BRINP2: variants seen among roughly 807,000 people sequenced by gnomAD.
BRINP2 encodes the protein BMP/retinoic acid inducible neural specific 2, also known as BMP/retinoic acid-inducible neural-specific protein 2.
In BRINP2, 21 loss-of-function variants were observed where a neutral mutation model predicts 69.2. The observed-to-expected ratio is 0.30, with a 90% CI of 0.22 to 0.44. BRINP2 has a LOEUF of 0.44. BRINP2 is among the 20% of genes least tolerant of loss of function. BRINP2 has a pLI of 1.00. For synonymous variants in BRINP2, 380 were observed against 394.1 expected (o/e 0.96, Z 0.42); for missense variants, 877 against 986.0 (o/e 0.89, Z 1.48).
intron 1 of BRINP2, among the ~76,000 whole-genome samples, chr1:177,219,269 C>A (rs943122576): frequency 6.6e-6 from 1 of 152,146 alleles, no homozygotes; most frequent in African/African-American, 2.4e-5. Context: ...ATTGATTGCA[C>A]CCCGTTGTCT....
intron 2 of BRINP2, among the ~76,000 whole-genome samples, chr1:177,246,725 A>C (rs1650397100): frequency 6.6e-6 from 1 of 152,232 alleles, no homozygotes; most frequent in South Asian, 2.1e-4. Context: ...TGCTGCTTTA[A>C]GACTTCCCCC....
At chr1:177,221,599 T>G (rs1649534727) in intron 1 of BRINP2, among the ~76,000 whole-genome samples, 1 of 152,152 alleles carries the variant, frequency 6.6e-6, no homozygotes, top group Admixed American at 6.5e-5. Context: ...ATATTCAAAA[T>G]TATAAAAATA....
intron 1 of BRINP2, among the ~76,000 whole-genome samples, chr1:177,186,543 G>A (rs911053366): frequency 2.0e-5 from 3 of 151,994 alleles, no homozygotes; most frequent in Non-Finnish European, 4.4e-5. Flanking sequence ...GGGTGAGATC[G>A]CTCCTTGTCT....
chr1:177,220,590 A>C (rs1253252580), intron 1 of BRINP2, among the ~76,000 whole-genome samples: 2 of 152,198 alleles, frequency 1.3e-5, no homozygotes, highest in African/African-American at 4.8e-5. Flanking sequence ...TGGAACCATG[A>C]GCCAATCAAA....
In BRINP2 at chr1:177,280,695, A is replaced by G. The variant is rs1651668013; in HGVS notation, c.1519A>G (p.Thr507Ala). ...CCTGGAAAACTTTCTTGGGCTGGAG[A>G]CAGACTTGCAGGACCTGGAGCTAAA... ...ESLENFLGLE[T>A]DLQDLELKYL... The change falls in exon 8 of 8, where the codon ACA (threonine) becomes GCA (alanine). Residue 507 changes from threonine to alanine, a missense_variant. Thr to Ala is a moderately conservative substitution (Grantham distance 58). Coordinates refer to ENST00000361539, the MANE Select transcript of BRINP2 (RefSeq NM_021165.4). 1.2e-6 allele frequency: 2 copies of G among 1,614,120 alleles called. No homozygotes were observed. Among genetic ancestry groups the G allele is most frequent in the Non-Finnish European group, 1.7e-6 (2 of 1,180,058 alleles).
chr1:177,267,768 T>C (rs1651173867), intron 4 of BRINP2, among the ~76,000 whole-genome samples: 1 of 152,168 alleles, frequency 6.6e-6, no homozygotes, highest in South Asian at 2.1e-4. Flanking sequence ...TTAAAGGTGG[T>C]TAGACAGCCC....
At chr1:177,201,785 C>T (rs921398564) in intron 1 of BRINP2, among the ~76,000 whole-genome samples, 3 of 152,162 alleles carry the variant, frequency 2.0e-5, no homozygotes, top group East Asian at 3.8e-4. Flanking sequence ...GTACCAGCTC[C>T]TCCTTGTACC....
At chr1:177,256,364 G>A in intron 3 of BRINP2, 1 of 985,424 alleles carries the variant, frequency 1.0e-6, no homozygotes, top group Non-Finnish European at 1.2e-6. Flanking sequence ...ACAAGCACTT[G>A]CCAGCAGGGG....
intron 4 of BRINP2, among the ~76,000 whole-genome samples, chr1:177,268,089 C>G (rs1318454253): frequency 6.6e-6 from 1 of 152,148 alleles, no homozygotes; most frequent in Non-Finnish European, 1.5e-5. Context: ...CCTGATGTGG[C>G]CTGTTCAAGG....
chr1:177,220,603 C>T (rs1649497510), intron 1 of BRINP2, among the ~76,000 whole-genome samples: 1 of 152,188 alleles, frequency 6.6e-6, no homozygotes, highest in South Asian at 2.1e-4. Context: ...CAATCAAACC[C>T]TTTTCTTTAA....
intron 1 of BRINP2, among the ~76,000 whole-genome samples, chr1:177,183,306 T>A (rs367662490): frequency 6.6e-6 from 1 of 151,858 alleles, no homozygotes; most frequent in African/African-American, 2.4e-5. Flanking sequence ...GATATATGGT[T>A]CATGTGATAT....
At chr1:177,176,863 T>A (rs1190159968) in intron 1 of BRINP2, among the ~76,000 whole-genome samples, 1 of 152,156 alleles carries the variant, frequency 6.6e-6, no homozygotes, top group Non-Finnish European at 1.5e-5. Flanking sequence ...GGTGGGTGGC[T>A]TGGTAATTTT....
chr1:177,250,467 C>A (rs1284201144), intron 2 of BRINP2, among the ~76,000 whole-genome samples: 1 of 152,218 alleles, frequency 6.6e-6, no homozygotes, highest in Non-Finnish European at 1.5e-5. Context: ...GCTGGGATTA[C>A]AGGCACCTGC....
chr1:177,245,225 T>C (rs991369569), intron 2 of BRINP2, among the ~76,000 whole-genome samples: 23 of 152,056 alleles, frequency 1.5e-4, no homozygotes, highest in Admixed American at 1.2e-3. Context: ...GCTCAGAATA[T>C]ATCTACCAGA....
At chr1:177,257,138 A>G in intron 3 of BRINP2, 38 bp from the exon 4 acceptor site, 4 of 1,609,746 alleles carry the variant, frequency 2.5e-6, no homozygotes, top group Non-Finnish European at 3.4e-6. Context: ...ATTCGAGAGC[A>G]GAGAGCGTCA....
chr1:177,273,520 C>A lies in BRINP2; in HGVS notation c.702C>A (p.Cys234Ter). Residue 234 changes from cysteine (C) to a stop codon, truncating the protein, a stop_gained, in exon 5 of 8, where the codon TGC becomes TGA. Transcript: ENST00000361539. LOFTEE classifies it high-confidence loss of function. ...AGACCAGGACCGGTCCTCTGGGCTG[C>A]AGCAACTATGACAATCTGGACTCAG... Reference protein sequence around the residue: ...VTETRTGPLGCSNYDNLDSVS... With the variant: ...VTETRTGPLG 1 of 1,610,370 alleles carries A rather than the reference C, an allele frequency of 6.2e-7. No homozygotes were observed.
intron 1 of BRINP2, among the ~76,000 whole-genome samples, chr1:177,191,626 T>A (rs1326662023): frequency 1.3e-5 from 2 of 152,174 alleles, no homozygotes; most frequent in Non-Finnish European, 2.9e-5. Flanking sequence ...GGCTAATTTT[T>A]TGTATCTTTA....
rs553219342 is a variant in BRINP2 at position 177,262,145 on chromosome 1, C to T, written c.669+4761C>T. Among the ~76,000 whole-genome samples the T allele has an allele frequency of 8.5e-5, 13 of 152,186 alleles. No homozygotes were observed. In the East Asian group the frequency reaches 1.5e-3, roughly 18 times the overall value. On this transcript the variant is annotated intron_variant, in intron 4 of 7. Transcript: ENST00000361539. Reference sequence around the variant, plus strand: ...GGAAAAATGAGTGATAACTGGGGAGCGATGTGGGGTCATGGGAGGGTGTGT... The same window carrying T: ...GGAAAAATGAGTGATAACTGGGGAGTGATGTGGGGTCATGGGAGGGTGTGT...
intron 1 of BRINP2, among the ~76,000 whole-genome samples, chr1:177,190,128 C>T (rs1648544695): frequency 6.6e-6 from 1 of 152,192 alleles, no homozygotes; most frequent in South Asian, 2.1e-4. Flanking sequence ...TGACTCCAGA[C>T]TAGAATGATA....
Sources: gnomAD v4.1 joint callset for allele counts (sites outside exome capture counted in the v4.1 genomes callset) on GRCh38, gnomAD v4.1.1 for gene constraint, MANE v1.5 for transcripts, NCBI Gene and HGNC (gene_info 2026-07-23, HGNC 2026-07-21) for gene names.